TPTE2: variants seen among roughly 807,000 people sequenced by gnomAD.
The protein encoded by TPTE2 is phosphatidylinositol 3,4,5-trisphosphate 3-phosphatase TPTE2.
TPTE2 carries 53 observed loss-of-function variants against 78.6 expected under a neutral mutation model. That is an observed-to-expected ratio of 0.67 (90% CI 0.54 to 0.85). The LOEUF (loss-of-function observed/expected upper bound fraction) is 0.85. TPTE2 is among the 40% of genes least tolerant of loss of function. The pLI is 0.00. For synonymous variants in TPTE2, 175 were observed against 206.2 expected, an observed-to-expected ratio of 0.85 and a Z score of 1.30; for missense variants, 461 against 623.0, an observed-to-expected ratio of 0.74 and a Z score of 2.77.
chr13:19,515,792 T>C (rs7320088), intron 1 of TPTE2, among the ~76,000 whole-genome samples: 3,742 of 152,306 alleles, frequency 0.025, 64 homozygotes, highest in Middle Eastern at 0.051. Context: ...GCAGCCTTAT[T>C]AAATGATTAC....
the TPTE2 span, among the ~76,000 whole-genome samples, chr13:19,556,086 T>C: frequency 6.6e-6 from 1 of 152,098 alleles, no homozygotes; most frequent in Non-Finnish European, 1.5e-5. Context: ...GTGCTGAGAT[T>C]ATAGGCATGA....
chr13:19,488,940 G>T (rs1483059826), intron 3 of TPTE2, among the ~76,000 whole-genome samples: 2 of 152,138 alleles, frequency 1.3e-5, no homozygotes, highest in African/African-American at 4.8e-5. Context: ...GGTTTAAAGT[G>T]AGAGCCATGT....
rs112611548 is a variant in TPTE2, at chr13:19,431,025, G to A, written c.1223-478C>T. Among the ~76,000 whole-genome samples, 200 of 151,708 alleles carry A rather than the reference G, an allele frequency of 1.3e-3. 4 individuals are homozygous for A. The highest frequency in any genetic ancestry group is 4.7e-3 in the African/African-American group (193 of 41,344). ...GCCTGTAATCCTAGCTACTTGGGAGGCTGAGACAGGAGAATTGCTTGAACC... is the reference window on the plus strand; with the variant it reads ...GCCTGTAATCCTAGCTACTTGGGAGACTGAGACAGGAGAATTGCTTGAACC... On this transcript the variant is annotated intron_variant, in intron 16 of 19. Coordinates refer to ENST00000400230, the Ensembl canonical transcript of TPTE2.
intron 6 of TPTE2, among the ~76,000 whole-genome samples, chr13:19,473,213 T>C (rs1373398125): frequency 1.3e-5 from 2 of 152,198 alleles, no homozygotes; most frequent in African/African-American, 2.4e-5. Flanking sequence ...TCCTTAGCTA[T>C]TGCAGAAGTT....
intron 15 of TPTE2, among the ~76,000 whole-genome samples, chr13:19,433,510 AAAAAC>A (rs1253390169): frequency 6.6e-6 from 1 of 152,194 alleles, no homozygotes. Context: ...CTCAAAAATT[AAAAAC>A]AAAACAAAAC....
chr13:19,493,317 GTGGATGGATGGATGGATGGA>G (rs71092368), intron 2 of TPTE2, 111 bp downstream of exon 5: 56 of 657,250 alleles, frequency 8.5e-5, no homozygotes, highest in African/African-American at 4.6e-4. Flanking sequence ...GAAGAGAAGT[GTGGATGGATGGATGGATGGA>G]TGGATGGATG....
intron 10 of TPTE2, chr13:19,458,269 G>C (rs573548239): frequency 1.5e-4 from 25 of 170,520 alleles, no homozygotes; most frequent in Non-Finnish European, 2.8e-4. Flanking sequence ...AATCAGGACT[G>C]CCCAAAAAAT....
At chr13:19,514,592 A>AGTGTGTGT (rs151110694) in intron 1 of TPTE2, among the ~76,000 whole-genome samples, 6,845 of 126,758 alleles carry the variant, frequency 0.054, 407 homozygotes, top group East Asian at 0.12. Flanking sequence ...TACTTCTGAG[A>AGTGTGTGT]GTGTGTGTGT....
At chr13:19,426,586 A>C in intron 17 of TPTE2, 69 bp from the exon 21 acceptor site, 1 of 873,196 alleles carries the variant, frequency 1.1e-6, no homozygotes, top group East Asian at 2.5e-5. Context: ...CTTTTCACTT[A>C]TCATGACTTC....
At chr13:19,491,802 G>A (rs1238062216) in intron 3 of TPTE2, among the ~76,000 whole-genome samples, 2 of 152,086 alleles carry the variant, frequency 1.3e-5, no homozygotes, top group South Asian at 2.1e-4. Flanking sequence ...TCCAGCTTGG[G>A]CAACAGCGAG....
At chr13:19,515,820 C>T (rs1430294313) in intron 1 of TPTE2, among the ~76,000 whole-genome samples, 2 of 152,220 alleles carry the variant, frequency 1.3e-5, no homozygotes, top group East Asian at 1.9e-4. Context: ...TTCAGACATC[C>T]TCTACTGAGG....
At chr13:19,441,580 A>G (rs546528808) in intron 13 of TPTE2, among the ~76,000 whole-genome samples, 6 of 152,350 alleles carry the variant, frequency 3.9e-5, no homozygotes, top group East Asian at 3.9e-4. Context: ...ATCTCAATTA[A>G]TGCAGGAAAA....
At chr13:19,511,033 G>A (rs561888031) in intron 1 of TPTE2, among the ~76,000 whole-genome samples, 1 of 152,322 alleles carries the variant, frequency 6.6e-6, no homozygotes, top group East Asian at 1.9e-4. Flanking sequence ...GCAGACTGGT[G>A]TAACCATTGG....
intron 17 of TPTE2, among the ~76,000 whole-genome samples, chr13:19,428,937 T>C (rs1876349691): frequency 6.6e-6 from 1 of 152,162 alleles, no homozygotes; most frequent in Non-Finnish European, 1.5e-5. Flanking sequence ...TGTTGAAAAA[T>C]ATGGTGGGGC....
intron 10 of TPTE2, among the ~76,000 whole-genome samples, chr13:19,461,837 T>C (rs1878921344): frequency 6.6e-6 from 1 of 152,170 alleles, no homozygotes; most frequent in Non-Finnish European, 1.5e-5. Flanking sequence ...TTTTGGTTTC[T>C]GTTTGCCTGG....
chr13:19,430,469 G>A lies in TPTE2; in HGVS notation c.1301C>T (p.Ser434Leu), dbSNP rs149205749. The A allele has an allele frequency of 1.4e-4, 227 of 1,606,110 alleles. 1 individual carries two copies. The highest frequency in any genetic ancestry group is 1.7e-4 in the Non-Finnish European group (195 of 1,177,166). ...TTCAATTCACATGTTTTCTCTTACC[G>A]AACAATTTCCTAATGAAGTACTGGA... Residue 434 changes from serine to leucine, a missense_variant and splice_region_variant, in exon 17 of 20, where the codon TCG becomes TTG. Physicochemically the swap from Ser to Leu is moderately radical, Grantham distance 145 (BLOSUM62 -2). Transcript: ENST00000400230.
At chr13:19,435,968 C>T (rs568476887) in intron 15 of TPTE2, among the ~76,000 whole-genome samples, 4 of 152,184 alleles carry the variant, frequency 2.6e-5, no homozygotes, top group East Asian at 1.9e-4. Context: ...GGAAAATAAT[C>T]GACTCCTGAG....
In TPTE2 at chr13:19,535,709, G is replaced by T. The variant is rs973456049; in HGVS notation, c.-44+887C>A. 6.6e-6 allele frequency among the ~76,000 whole-genome samples: 1 copy of T among 151,946 alleles called. No individual in the cohort carries two copies. The highest frequency in any genetic ancestry group is 1.5e-5 in the Non-Finnish European group (1 of 68,018). On this transcript the variant is annotated intron_variant, in intron 1 of 17. Coordinates refer to the TPTE2 transcript ENST00000390680. This position sits in a 1 kb window ranked among gnomAD's most constrained non-coding sequence, Gnocchi z 5.1. ...TGCAATGGTGTGACCTCAGCTCACT[G>T]CAACTTCCACCTACCAGGTTCAAGT...
chr13:19,457,733 T>C (rs1878630330), intron 10 of TPTE2, among the ~76,000 whole-genome samples: 1 of 152,222 alleles, frequency 6.6e-6, no homozygotes, highest in Admixed American at 6.5e-5. Flanking sequence ...CAGTTTTCCA[T>C]GGTATTTATG....
Sources: allele counts gnomAD v4.1 joint callset (sites outside exome capture counted in the v4.1 genomes callset), GRCh38; gene constraint gnomAD v4.1.1; non-coding constraint Gnocchi (gnomAD v3.1); transcripts MANE v1.5; gene names NCBI Gene and HGNC (gene_info 2026-07-23, HGNC 2026-07-21).